The following NFIX variants were observed in gnomAD, a reference collection of about 807,000 sequenced individuals.
NFIX encodes the protein nuclear factor I X.
A neutral mutation model predicts 53.3 loss-of-function variants in NFIX; 2 were observed. The ratio of observed to expected loss-of-function variants is 0.04; its 90% confidence interval spans 0.02 to 0.12. The LOEUF is 0.12. NFIX is among the 10% of genes least tolerant of loss of function. NFIX has a pLI of 1.00. For synonymous variants in NFIX, 244 were observed against 289.0 expected (o/e 0.84, Z 1.58); for missense variants, 310 against 674.5 (o/e 0.46, Z 5.99).
chr19:13,093,557 C>G lies in NFIX; in HGVS notation c.1495-1078C>G, dbSNP rs553695036. ...TGCCCCTTACATTTGAACCCTGGCTCTGTTGCCCGAGGGCTGTGTGGCCTC... is the reference window on the plus strand; with the variant it reads ...TGCCCCTTACATTTGAACCCTGGCTGTGTTGCCCGAGGGCTGTGTGGCCTC... On this transcript the variant is annotated intron_variant, in intron 10 of 10. Coordinates refer to ENST00000592199, the MANE Select transcript of NFIX (RefSeq NM_001365902.3). The surrounding 1 kb of genome is among the most constrained non-coding windows in gnomAD (Gnocchi z 4.7). Among the ~76,000 whole-genome samples, 8 of 152,354 alleles carry G rather than the reference C, an allele frequency of 5.3e-5. No homozygotes were observed. The South Asian group carries it at 1.0e-3, about 20-fold the overall frequency.
rs575306675 is a variant in NFIX at position 13,055,638 on chromosome 19, G to C, written c.560-17409G>C. Among the ~76,000 whole-genome samples, 263 of 152,316 alleles carry C rather than the reference G, an allele frequency of 1.7e-3. 1 individual carries two copies. Among genetic ancestry groups the C allele is most frequent in the Non-Finnish European group, 3.0e-3 (204 of 68,016 alleles). On this transcript the variant is annotated intron_variant, in intron 2 of 10. Coordinates refer to ENST00000592199, the MANE Select transcript of NFIX (RefSeq NM_001365902.3). ...CAGCCTCAGGGCTGGGGGAGGGGGG[G>C]GTCTGCCTCCTGAGAGCCCATCTGC...
chr19:13,033,429 T>C (rs2013961403), intron 2 of NFIX, among the ~76,000 whole-genome samples: 1 of 152,206 alleles, frequency 6.6e-6, no homozygotes, highest in Admixed American at 6.5e-5. Flanking sequence ...CACCACCAGC[T>C]GCCATGGACT....
intron 2 of NFIX, among the ~76,000 whole-genome samples, chr19:13,065,489 G>A (rs1431573038): frequency 6.6e-6 from 1 of 152,184 alleles, no homozygotes; most frequent in African/African-American, 2.4e-5. Flanking sequence ...GGGTCACCTT[G>A]CCATGGGCAG....
rs1302767485 is a variant in NFIX, at chr19:13,068,965, C to T, written c.560-4082C>T. On this transcript the variant is annotated intron_variant, in intron 2 of 10. Coordinates refer to ENST00000592199, the MANE Select transcript of NFIX (RefSeq NM_001365902.3). The surrounding 1 kb of genome is among the most constrained non-coding windows in gnomAD (Gnocchi z 4.2). ...CTAGCCTGGCCCAGAAACCAGGGAC[C>T]CCGAATGCCAGCCTGGCCAAGGCAC... Among the ~76,000 whole-genome samples, 2 of 152,236 alleles carry T rather than the reference C, an allele frequency of 1.3e-5. No individual in the cohort carries two copies. Among genetic ancestry groups the T allele is most frequent in the Non-Finnish European group, 2.9e-5 (2 of 68,046 alleles).
chr19:13,023,776 T>C (rs1319813890), intron 1 of NFIX, among the ~76,000 whole-genome samples: 3 of 146,892 alleles, frequency 2.0e-5, no homozygotes, highest in Non-Finnish European at 4.5e-5. Context: ...TTCTTTTTGC[T>C]CCTTTTCAAA....
rs2013018619 is a variant in NFIX at position 13,022,828 on chromosome 19, G to C, written c.28-2193G>C. On this transcript the variant is annotated intron_variant, in intron 1 of 10. Transcript: ENST00000592199. This position sits in a 1 kb window ranked among gnomAD's most constrained non-coding sequence, Gnocchi z 4.5. ...CCCCCAATGCCCCACCCCACCCCCA[G>C]ATTTGCTGGGTGGCTGCTGCCAAAT... is the stretch of plus-strand genomic sequence containing the variant. Among the ~76,000 whole-genome samples the C allele has an allele frequency of 6.7e-6, 1 of 149,104 alleles. No individual in the cohort carries two copies. The highest frequency in any genetic ancestry group is 3.5e-3 in the Middle Eastern group (1 of 288).
intron 1 of NFIX, among the ~76,000 whole-genome samples, chr19:13,004,067 A>C (rs1459850954): frequency 6.6e-6 from 1 of 152,050 alleles, no homozygotes; most frequent in Non-Finnish European, 1.5e-5. Flanking sequence ...ACCATGCCCA[A>C]CCTGGAATCA....
intron 1 of NFIX, 112 bp from the exon 2 acceptor site, chr19:13,024,909 C>A: frequency 7.0e-7 from 1 of 1,437,638 alleles, no homozygotes; most frequent in Non-Finnish European, 9.4e-7. Flanking sequence ...GGCGGTTTTC[C>A]TTGTGCCCCC....
rs1207331454 is a variant in NFIX, at chr19:13,012,315, C to A, written c.28-12706C>A. 1 of 152,212 alleles carries A rather than the reference C, an allele frequency of 6.6e-6. No individual in the cohort carries two copies. Among genetic ancestry groups the A allele is most frequent in the African/African-American group, 2.4e-5 (1 of 41,402 alleles). The allele number at this position is 152,212 out of a possible 1,614,324, so 9.4% of individuals were successfully genotyped here. The stretch of plus-strand genomic sequence containing the variant: ...GTCTGGCTTTCGACCGTTTGTGCCG[C>A]CAGAGTCTTCTCAATGATCCCTCCC... On this transcript the variant is annotated intron_variant, in intron 1 of 10. Transcript: ENST00000592199. This position sits in a 1 kb window ranked among gnomAD's most constrained non-coding sequence, Gnocchi z 5.0.
At position 13,068,896 on chromosome 19, in the gene NFIX, C is replaced by G. The variant is rs1050295670; in HGVS notation, c.560-4151C>G. 9.2e-5 allele frequency among the ~76,000 whole-genome samples: 14 copies of G among 152,272 alleles called. No individual in the cohort carries two copies. Among genetic ancestry groups the G allele is most frequent in the Admixed American group, 2.0e-4 (3 of 15,288 alleles). ...CACGAGCCAGCCTGACACCCCCAAACAGCATCGAGAATGAGCTGTGGGCTC... is the reference window on the plus strand; with the variant it reads ...CACGAGCCAGCCTGACACCCCCAAAGAGCATCGAGAATGAGCTGTGGGCTC... On this transcript the variant is annotated intron_variant, in intron 2 of 10. Coordinates refer to ENST00000592199, the MANE Select transcript of NFIX (RefSeq NM_001365902.3). The surrounding 1 kb of genome is among the most constrained non-coding windows in gnomAD (Gnocchi z 4.2).
intron 2 of NFIX, among the ~76,000 whole-genome samples, chr19:13,048,463 T>C (rs2015128070): frequency 1.3e-5 from 2 of 152,024 alleles, no homozygotes; most frequent in South Asian, 4.1e-4. Context: ...CAGAACTCAG[T>C]GTCTTCTCCT....
intron 2 of NFIX, among the ~76,000 whole-genome samples, chr19:13,055,642 T>A (rs912009664): frequency 2.6e-5 from 4 of 152,172 alleles, no homozygotes; most frequent in African/African-American, 9.7e-5. Context: ...GGGGGGGGTC[T>A]GCCTCCTGAG....
chr19:13,046,179 T>C (rs1205214473), intron 2 of NFIX, among the ~76,000 whole-genome samples: 3 of 152,146 alleles, frequency 2.0e-5, no homozygotes, highest in Non-Finnish European at 4.4e-5. Flanking sequence ...TGTTTTCAAC[T>C]TTGACTCCCA....
chr19:13,065,414 C>T (rs2016339894), intron 2 of NFIX, among the ~76,000 whole-genome samples: 2 of 152,212 alleles, frequency 1.3e-5, no homozygotes, highest in South Asian at 2.1e-4. Flanking sequence ...GACAGTGCTG[C>T]TGCCATGCCC....
At chr19:13,077,369 C>T (rs751834292) in intron 6 of NFIX, among the ~76,000 whole-genome samples, 1 of 152,192 alleles carries the variant, frequency 6.6e-6, no homozygotes. Flanking sequence ...CCCCTCACCC[C>T]GCTGTGTGTT....
chr19:13,022,683 C>T lies in NFIX; in HGVS notation c.28-2338C>T, dbSNP rs1171863690. 6.6e-6 allele frequency among the ~76,000 whole-genome samples: 1 copy of T among 152,060 alleles called. No individual in the cohort carries two copies. The highest frequency in any genetic ancestry group is 6.5e-5 in the Admixed American group (1 of 15,278). Reference sequence around the variant, plus strand: ...CTGAAACCAAAACACAGAGAGAAGGCGCAGCTGCTTCCCCAAGGCCTTCTG... The same window carrying T: ...CTGAAACCAAAACACAGAGAGAAGGTGCAGCTGCTTCCCCAAGGCCTTCTG... On this transcript the variant is annotated intron_variant, in intron 1 of 10. Coordinates refer to ENST00000592199, the MANE Select transcript of NFIX (RefSeq NM_001365902.3). This position sits in a 1 kb window ranked among gnomAD's most constrained non-coding sequence, Gnocchi z 4.5.
At position 13,005,860 on chromosome 19, in the gene NFIX, C is replaced by G. The variant is rs1568254177; in HGVS notation, c.27+9996C>G. On this transcript the variant is annotated intron_variant, in intron 1 of 10. Coordinates refer to ENST00000592199, the MANE Select transcript of NFIX (RefSeq NM_001365902.3). This position sits in a 1 kb window ranked among gnomAD's most constrained non-coding sequence, Gnocchi z 4.7. ...AGAATAAAGGTGGATGGTGGTCTCA[C>G]CCCCTCTGCACCCCTGCTGGCCAGG... is the stretch of plus-strand genomic sequence containing the variant. 6.6e-6 allele frequency among the ~76,000 whole-genome samples: 1 copy of G among 152,188 alleles called. No individual in the cohort carries two copies. The highest frequency in any genetic ancestry group is 6.5e-5 in the Admixed American group (1 of 15,280).
chr19:13,009,805 G>C lies in NFIX; in HGVS notation c.27+13941G>C. On this transcript the variant is annotated intron_variant, in intron 1 of 10. Coordinates refer to ENST00000592199, the MANE Select transcript of NFIX (RefSeq NM_001365902.3). The surrounding 1 kb of genome is among the most constrained non-coding windows in gnomAD (Gnocchi z 4.7). Reference sequence around the variant, plus strand: ...ACAGTAGCACTAGGCTTGAGTGTCTGATGTGTGAGTGGCCATGTGGACGGC... The same window carrying C: ...ACAGTAGCACTAGGCTTGAGTGTCTCATGTGTGAGTGGCCATGTGGACGGC... Among the ~76,000 whole-genome samples the C allele has an allele frequency of 6.6e-6, 1 of 152,266 alleles. No individual in the cohort carries two copies. The highest frequency in any genetic ancestry group is 1.5e-5 in the Non-Finnish European group (1 of 68,046).
chr19:12,999,762 C>T (rs1396884929), intron 1 of NFIX, among the ~76,000 whole-genome samples: 1 of 152,230 alleles, frequency 6.6e-6, no homozygotes, highest in Non-Finnish European at 1.5e-5. Context: ...TTCCCTGATG[C>T]CCCCTTCCCC....
Sources: gnomAD v4.1 joint callset for allele counts (sites outside exome capture counted in the v4.1 genomes callset) on GRCh38, gnomAD v4.1.1 for gene constraint, Gnocchi (gnomAD v3.1) non-coding constraint, MANE v1.5 for transcripts, NCBI Gene and HGNC (gene_info 2026-07-23, HGNC 2026-07-21) for gene names.